The following COA1 variants were observed in gnomAD, a reference collection of about 807,000 sequenced individuals.
The protein encoded by COA1 is cytochrome c oxidase assembly factor 1 homolog.
In COA1, 13 loss-of-function variants were observed where a neutral mutation model predicts 16.0. The ratio of observed to expected loss-of-function variants is 0.81; its 90% CI spans 0.53 to 1.29. The LOEUF (loss-of-function observed/expected upper bound fraction) is 1.29. Among genes scored for constraint, COA1 ranks in the 50% most tolerant of loss-of-function variants. The pLI, the probability that COA1 is intolerant of heterozygous loss-of-function variation, is 0.00. For synonymous variants in COA1, 65 were observed against 65.7 expected, an observed-to-expected ratio of 0.99 and a Z score of 0.05; for missense variants, 179 against 177.0, an observed-to-expected ratio of 1.01 and a Z score of -0.06.
intron 6 of COA1, chr7:43,619,551 TTAATCA>T (rs1563162869): frequency 1.9e-6 from 3 of 1,595,224 alleles, no homozygotes; most frequent in Admixed American, 3.5e-5. Flanking sequence ...TTTTGTGTAC[TTAATCA>T]TAGTTATATT....
intron 1 of COA1, among the ~76,000 whole-genome samples, chr7:43,693,478 C>T (rs73108680): frequency 6.6e-6 from 1 of 152,254 alleles, no homozygotes; most frequent in Non-Finnish European, 1.5e-5. Flanking sequence ...CAATCATACC[C>T]CAGAACTTGT....
chr7:43,727,596 G>A (rs1173710091), intron 1 of COA1, among the ~76,000 whole-genome samples: 1 of 152,188 alleles, frequency 6.6e-6, no homozygotes, highest in Non-Finnish European at 1.5e-5. Flanking sequence ...AGTAAAAGAA[G>A]CCAGTTGAAA....
intron 1 of COA1, among the ~76,000 whole-genome samples, chr7:43,717,652 G>A (rs957067554): frequency 2.6e-5 from 4 of 152,116 alleles, no homozygotes; most frequent in African/African-American, 9.7e-5. Flanking sequence ...GGGAAGGCAT[G>A]ATTGGTTTTG....
chr7:43,656,138 G>A (rs1326408629), intron 1 of COA1: 1 of 152,174 alleles, frequency 6.6e-6, no homozygotes, highest in African/African-American at 2.4e-5. Flanking sequence ...AGAACCATCA[G>A]CTGATCCAAG....
intron 1 of COA1, among the ~76,000 whole-genome samples, chr7:43,689,726 AT>A (rs1345093778): frequency 6.6e-6 from 1 of 152,234 alleles, no homozygotes; most frequent in Non-Finnish European, 1.5e-5. Flanking sequence ...GTAATAAAAT[AT>A]GTGACAAATA....
intron 1 of COA1, among the ~76,000 whole-genome samples, chr7:43,712,774 C>T (rs528940785): frequency 1.2e-4 from 18 of 152,262 alleles, no homozygotes; most frequent in African/African-American, 3.4e-4. Flanking sequence ...TTTTTGCCTA[C>T]TTCTTAGGAG....
intron 1 of COA1, among the ~76,000 whole-genome samples, chr7:43,727,172 C>G (rs919324852): frequency 2.6e-5 from 4 of 152,186 alleles, no homozygotes; most frequent in African/African-American, 9.7e-5. Context: ...ATGACACACA[C>G]TTCACACCCA....
At chr7:43,706,678 G>T (rs1369998526) in intron 1 of COA1, among the ~76,000 whole-genome samples, 1 of 152,054 alleles carries the variant, frequency 6.6e-6, no homozygotes, top group African/African-American at 2.4e-5. Flanking sequence ...AAATCAGCCT[G>T]GACAACATAG....
At chr7:43,676,264 T>C (rs755675074) in intron 1 of COA1, among the ~76,000 whole-genome samples, 22 of 152,280 alleles carry the variant, frequency 1.4e-4, no homozygotes, top group Non-Finnish European at 2.8e-4. Flanking sequence ...ACAGATTTCC[T>C]ACTGGGTGAA....
At chr7:43,633,152 ATC>A (rs768516048) in intron 6 of COA1, 9 of 152,232 alleles carry the variant, frequency 5.9e-5, no homozygotes, top group Admixed American at 5.9e-4. Context: ...TACATTTAAA[ATC>A]TGTTGTTTAG....
downstream of COA1, among the ~76,000 whole-genome samples, chr7:43,635,112 A>G (rs13221586): frequency 0.15 from 22,354 of 152,176 alleles, 2,187 homozygotes; most frequent in Non-Finnish European, 0.21. Context: ...AAGTAGCTTA[A>G]TTTATAAAAT....
chr7:43,707,812 G>A (rs932067568), intron 1 of COA1, among the ~76,000 whole-genome samples: 4 of 152,194 alleles, frequency 2.6e-5, no homozygotes, highest in South Asian at 2.1e-4. Flanking sequence ...AGTACAAATA[G>A]TGGTGCTATA....
At position 43,644,789 on chromosome 7, in the gene COA1, G is replaced by GAGAGAGAGAGA. The variant is rs1442537142; in HGVS notation, c.264+461_264+462insTCTCTCTCTCT. Among the ~76,000 whole-genome samples, 96 of 104,442 alleles carry GAGAGAGAGAGA rather than the reference G, an allele frequency of 9.2e-4. 1 individual carries two copies. The highest frequency in any genetic ancestry group is 3.9e-3 in the Admixed American group (36 of 9,236). 68.5% of individuals were successfully genotyped at this position (104,442 alleles called of 152,430 possible). The stretch of plus-strand genomic sequence containing the variant: ...AGGCAGGCAGGCAGGCAGGCAGGCA[G>GAGAGAGAGAGA]GCAGAGAGACAGAGAGAGAGAGAGA... On this transcript the variant is annotated intron_variant, in intron 4 of 5. Coordinates refer to ENST00000223336, the MANE Select transcript of COA1 (RefSeq NM_018224.4).
At chr7:43,686,879 T>C (rs2094061481) in intron 1 of COA1, among the ~76,000 whole-genome samples, 1 of 152,234 alleles carries the variant, frequency 6.6e-6, no homozygotes. Flanking sequence ...TGAGTTCCCA[T>C]GTTGATACTA....
intron 1 of COA1, among the ~76,000 whole-genome samples, chr7:43,655,373 G>A (rs988775272): frequency 7.2e-5 from 11 of 152,216 alleles, no homozygotes; most frequent in South Asian, 2.1e-4. Context: ...AGATATTGCC[G>A]GGCATGTTGG....
chr7:43,715,433 G>A lies in COA1; in HGVS notation c.-39+13996C>T, dbSNP rs929059089. Among the ~76,000 whole-genome samples, 21 of 151,216 alleles carry A rather than the reference G, an allele frequency of 1.4e-4. No individual in the cohort carries two copies. The East Asian group carries it at 1.6e-3, about 11-fold the overall frequency. ...GCAGACGTTGCAGTGAGCGGAGATCGTGCCACTGCACTCCAGCCTGGGCAA... is the reference window on the plus strand; with the variant it reads ...GCAGACGTTGCAGTGAGCGGAGATCATGCCACTGCACTCCAGCCTGGGCAA... On this transcript the variant is annotated intron_variant, in intron 1 of 5. Coordinates refer to ENST00000223336, the MANE Select transcript of COA1 (RefSeq NM_018224.4).
chr7:43,631,598 A>C (rs2085178542), intron 6 of COA1: 1 of 152,218 alleles, frequency 6.6e-6, no homozygotes, highest in Non-Finnish European at 1.5e-5. Context: ...TTCCAGAGAG[A>C]AATCCACTGT....
At chr7:43,658,615 G>A (rs1007840474) in intron 1 of COA1, 1 of 152,112 alleles carries the variant, frequency 6.6e-6, no homozygotes, top group East Asian at 1.9e-4. Flanking sequence ...CCTACCTCTC[G>A]CCAGTGTTCA....
At chr7:43,699,259 G>A (rs371043026) in intron 1 of COA1, among the ~76,000 whole-genome samples, 10 of 152,180 alleles carry the variant, frequency 6.6e-5, no homozygotes, top group East Asian at 5.8e-4. Context: ...ATTTTACAGA[G>A]AGCACAGCAA....
Sources: gnomAD v4.1 joint callset for allele counts (sites outside exome capture counted in the v4.1 genomes callset) on GRCh38, gnomAD v4.1.1 for gene constraint, MANE v1.5 for transcripts, NCBI Gene and HGNC (gene_info 2026-07-23, HGNC 2026-07-21) for gene names.